The following TTC3 variants were observed in gnomAD, a reference collection of about 807,000 sequenced individuals.
TTC3 encodes E3 ubiquitin-protein ligase TTC3.
Under a neutral mutation model 249.6 loss-of-function variants are expected in TTC3, and 180 were observed. That is an observed-to-expected ratio of 0.72 (90% CI 0.64 to 0.82). The LOEUF is 0.82. TTC3 is among the 40% of genes least tolerant of loss of function. The pLI, the probability that TTC3 is intolerant of heterozygous loss-of-function variation, is 0.00. For missense variants in TTC3, 2,061 were observed against 2,398.4 expected (o/e 0.86, Z 2.94); for synonymous variants, 717 against 805.0 (o/e 0.89, Z 1.85).
Position 37,201,818 on chromosome 21 carries a change from G to C in TTC3, c.*244G>C, listed in dbSNP as rs576219321. The C allele has an allele frequency of 1.3e-5, 7 of 522,382 alleles. No individual in the cohort carries two copies. In the East Asian group the frequency reaches 2.6e-4, roughly 19 times the overall value. 32.4% of individuals were successfully genotyped at this position (522,382 alleles called of 1,614,324 possible). A position where few individuals can be genotyped will look rare whatever the true frequency, so the allele number is the denominator to read the frequency against. ...CACACTCATGGGTCACTGGGGCTGC[G>C]CAGGGCTCTTTGAGGTGGGTGGCTT... On this transcript the variant is annotated 3_prime_UTR_variant, in exon 46 of 46. Transcript: ENST00000355666.
intron 34 of TTC3, among the ~76,000 whole-genome samples, chr21:37,171,239 A>C (rs76857021): frequency 6.6e-6 from 1 of 152,144 alleles, no homozygotes; most frequent in African/African-American, 2.4e-5. Context: ...TTGACCATCA[A>C]ATGAATGTTT....
Position 37,161,839 on chromosome 21 carries a change from G to A in TTC3, c.3097-151G>A, listed in dbSNP as rs921277407. 4 of 472,872 alleles carry A rather than the reference G, an allele frequency of 8.5e-6. No individual in the cohort carries two copies. In the Admixed American group the frequency reaches 1.1e-4, roughly 13 times the overall value. The allele number at this position is 472,872 out of a possible 1,614,324, so 29.3% of individuals were successfully genotyped here. ...TGGCTGTTGAAACTTTTATTACTAT[G>A]TGTTCCTGTTTATAAGAAAATTTGG... On this transcript the variant is annotated intron_variant, in intron 30 of 45. Coordinates refer to ENST00000355666, the Ensembl canonical transcript of TTC3.
chr21:37,079,822 C>T (rs2071394604), intron 1 of TTC3, among the ~76,000 whole-genome samples: 1 of 152,018 alleles, frequency 6.6e-6, no homozygotes, highest in Admixed American at 6.5e-5. Context: ...GTGTGAGCCA[C>T]CGCTCGTGGT....
intron 14 of TTC3, 33 bp from the exon 15 acceptor site, chr21:37,126,047 T>G: frequency 6.3e-7 from 1 of 1,578,822 alleles, no homozygotes; most frequent in South Asian, 1.2e-5. Context: ...GGTTGTTTTT[T>G]TTTTTTTTAA....
In TTC3 at chr21:37,198,038, G is replaced by A; in HGVS notation, c.5850+13G>A. 1 of 1,553,890 alleles carries A rather than the reference G, an allele frequency of 6.4e-7. No individual in the cohort carries two copies. Among genetic ancestry groups the A allele is most frequent in the South Asian group, 1.2e-5 (1 of 83,992 alleles). On this transcript the variant is annotated intron_variant, in intron 44 of 45. Coordinates refer to ENST00000355666, the Ensembl canonical transcript of TTC3. ...CCCTGTGAGGATTGTATGTATAACT[G>A]TATAGTTTTGTTTTTTAATGAAAAA... is the stretch of plus-strand genomic sequence containing the variant.
intron 7 of TTC3, among the ~76,000 whole-genome samples, chr21:37,093,022 C>T (rs1365336597): frequency 6.6e-6 from 1 of 152,034 alleles, no homozygotes; most frequent in Non-Finnish European, 1.5e-5. Context: ...TGTTGAGCAT[C>T]AAAAATCCAA....
intron 45 of TTC3, among the ~76,000 whole-genome samples, chr21:37,201,020 C>T (rs1386300574): frequency 6.6e-6 from 1 of 152,210 alleles, no homozygotes; most frequent in Middle Eastern, 3.2e-3. Flanking sequence ...GCAGCAGCAG[C>T]AGGAGTGTGG....
intron 34 of TTC3, 78 bp from the exon 35 acceptor site, chr21:37,172,517 T>G: frequency 6.9e-7 from 1 of 1,442,048 alleles, no homozygotes; most frequent in Non-Finnish European, 9.2e-7. Context: ...TTGTTTATTT[T>G]AAGAAACAGT....
In TTC3 at chr21:37,173,328, T is replaced by C. The variant is rs73905415; in HGVS notation, c.4617+584T>C. 5.0e-3 allele frequency among the ~76,000 whole-genome samples: 754 copies of C among 152,282 alleles called. 5 individuals are homozygous for C. The highest frequency in any genetic ancestry group is 0.017 in the African/African-American group (703 of 41,550). ...GTTATGATCATCATCTTCATCTTACTCCTAAGGAAGTATAAGAATAACACA... is the reference window on the plus strand; with the variant it reads ...GTTATGATCATCATCTTCATCTTACCCCTAAGGAAGTATAAGAATAACACA... On this transcript the variant is annotated intron_variant, in intron 35 of 45. Transcript: ENST00000355666.
At chr21:37,118,509 A>G (rs2076338722) in intron 11 of TTC3, among the ~76,000 whole-genome samples, 1 of 152,224 alleles carries the variant, frequency 6.6e-6, no homozygotes, top group East Asian at 1.9e-4. Flanking sequence ...ACAAACTAAT[A>G]ACCTCAGAAA....
intron 33 of TTC3, 133 bp from the exon 34 acceptor site, chr21:37,167,422 C>T: frequency 1.8e-6 from 1 of 558,592 alleles, no homozygotes; most frequent in Middle Eastern, 3.2e-4. Context: ...TTACGGAAAG[C>T]ATGGAACATG....
intron 26 of TTC3, among the ~76,000 whole-genome samples, chr21:37,152,375 AGTT>A (rs1277697430): frequency 7.0e-6 from 1 of 143,564 alleles, no homozygotes; most frequent in Admixed American, 7.4e-5. Context: ...AGGGGAACTA[AGTT>A]GTTTTTTTTT....
Position 37,090,457 on chromosome 21 carries a change from C to A in TTC3, c.480+171C>A, listed in dbSNP as rs115042480. 1,228 of 613,822 alleles carry A rather than the reference C, an allele frequency of 2.0e-3. 15 individuals carry two copies. In the African/African-American group the frequency reaches 0.026, roughly 13 times the overall value. 38.0% of individuals were successfully genotyped at this position (613,822 alleles called of 1,614,324 possible). A position where few individuals can be genotyped will look rare whatever the true frequency, so the allele number is the denominator to read the frequency against. On this transcript the variant is annotated intron_variant, in intron 6 of 45. Coordinates refer to ENST00000355666, the Ensembl canonical transcript of TTC3. ...GACTCCTCATTTTGGGGGTTTGGATCATTTTCTCTCTTTTTTTTTTTTTTA... is the reference window on the plus strand; with the variant it reads ...GACTCCTCATTTTGGGGGTTTGGATAATTTTCTCTCTTTTTTTTTTTTTTA...
chr21:37,108,244 T>C (rs1226549573), intron 10 of TTC3, 148 bp from the exon 11 acceptor site: 4 of 608,352 alleles, frequency 6.6e-6, no homozygotes, highest in Non-Finnish European at 1.1e-5. Flanking sequence ...TTTCCTATAA[T>C]GGACATATAT....
At chr21:37,195,084 G>A (rs1226326285) in intron 41 of TTC3, 1 of 152,430 alleles carries the variant, frequency 6.6e-6, no homozygotes, top group Non-Finnish European at 1.5e-5. Flanking sequence ...GCCTGAGGCT[G>A]GTTTCCAAAA....
At chr21:37,147,219 G>A (rs1285045776) in intron 21 of TTC3, among the ~76,000 whole-genome samples, 1 of 152,094 alleles carries the variant, frequency 6.6e-6, no homozygotes, top group Non-Finnish European at 1.5e-5. Flanking sequence ...TTTGATGATT[G>A]TAACAGGACA....
intron 35 of TTC3, among the ~76,000 whole-genome samples, chr21:37,177,458 T>C (rs534722448): frequency 6.6e-6 from 1 of 152,200 alleles, no homozygotes; most frequent in Non-Finnish European, 1.5e-5. Context: ...ATCCCTCCAC[T>C]ACAGTAGGTC....
intron 16 of TTC3, among the ~76,000 whole-genome samples, chr21:37,131,820 G>T (rs1030589345): frequency 2.0e-5 from 3 of 151,176 alleles, no homozygotes; most frequent in South Asian, 2.1e-4. Context: ...TTTGGTATTG[G>T]AGAAAATCTA....
intron 44 of TTC3, 138 bp from the exon 45 acceptor site, chr21:37,200,094 C>A: frequency 1.8e-6 from 1 of 555,884 alleles, no homozygotes; most frequent in Non-Finnish European, 3.0e-6. Flanking sequence ...GTTGTTTCCT[C>A]AGACTGTTTA....
Sources: gnomAD v4.1 joint callset for allele counts (sites outside exome capture counted in the v4.1 genomes callset) on GRCh38, gnomAD v4.1.1 for gene constraint, MANE v1.5 for transcripts, NCBI Gene and HGNC (gene_info 2026-07-23, HGNC 2026-07-21) for gene names.